Variants in TAF1 observed in about 807,000 individuals in gnomAD.
The protein encoded by TAF1 is transcription initiation factor TFIID subunit 1.
A neutral mutation model predicts 138.5 loss-of-function variants in TAF1; 2 were observed. That is an observed-to-expected ratio of 0.01 (90% CI 0.01 to 0.05). The LOEUF (loss-of-function observed/expected upper bound fraction) is 0.05. Ranked by LOEUF, TAF1 falls within the 10% of genes least tolerant of loss-of-function variation. The pLI, the probability that TAF1 is intolerant of heterozygous loss-of-function variation, is 1.00. For missense variants in TAF1, 709 were observed against 1,478.0 expected (o/e 0.48, Z 8.53); for synonymous variants, 437 against 503.2 (o/e 0.87, Z 1.76).
intron 13 of TAF1, among the ~76,000 whole-genome samples, chrX:71,496,827 C>T: frequency 1.8e-5 from 2 of 111,427 alleles, no homozygotes; most frequent in East Asian, 5.6e-4. Context: ...GTCTCTCCCC[C>T]CCAACCCTTT....
chrX:71,483,774 C>CTATATATA (rs1214664557), intron 13 of TAF1, among the ~76,000 whole-genome samples: 3 of 70,403 alleles, frequency 4.3e-5, no homozygotes, highest in Non-Finnish European at 7.8e-5. Flanking sequence ...CTCTCTCTCT[C>CTATATATA]TCTCTCTATA....
intron 13 of TAF1, among the ~76,000 whole-genome samples, chrX:71,512,646 C>T (rs1162238597): frequency 1.8e-5 from 2 of 110,883 alleles, no homozygotes; most frequent in Non-Finnish European, 3.8e-5. Flanking sequence ...GGTGAAACCC[C>T]GTCTGTACTA....
intron 28 of TAF1, among the ~76,000 whole-genome samples, chrX:71,408,402 C>T (rs952176974): frequency 4.5e-5 from 5 of 110,828 alleles, no homozygotes; most frequent in Non-Finnish European, 7.6e-5. Context: ...ACTGCAACCT[C>T]CGCCTCTCGG....
chrX:71,429,164 A>G (rs931861652), intron 32 of TAF1, among the ~76,000 whole-genome samples: 1 of 109,842 alleles, frequency 9.1e-6, no homozygotes. Context: ...AGTCCCAGCT[A>G]CTCGGGAGGC....
chrX:71,438,341 TATGTC>T (rs2037248247), intron 32 of TAF1, among the ~76,000 whole-genome samples: 1 of 111,882 alleles, frequency 8.9e-6, no homozygotes, highest in Non-Finnish European at 1.9e-5. Context: ...CTATTCTAGG[TATGTC>T]ATATAAGTAA....
intron 13 of TAF1, among the ~76,000 whole-genome samples, chrX:71,498,768 G>A (rs1470795238): frequency 4.5e-5 from 5 of 111,710 alleles, no homozygotes; most frequent in Non-Finnish European, 7.5e-5. Flanking sequence ...TAATAAGGGT[G>A]TGGGACTTTC....
At chrX:71,499,295 G>A (rs754852646) in intron 13 of TAF1, among the ~76,000 whole-genome samples, 3 of 111,713 alleles carry the variant, frequency 2.7e-5, no homozygotes, top group Non-Finnish European at 3.8e-5. Context: ...GCCTTTCTCC[G>A]ATCTTGCTTT....
intron 14 of TAF1, among the ~76,000 whole-genome samples, chrX:71,385,736 A>C (rs2034176683): frequency 9.0e-6 from 1 of 111,434 alleles, no homozygotes; most frequent in Non-Finnish European, 1.9e-5. Flanking sequence ...TATCCTTTAC[A>C]TTCATAGTCT....
chrX:71,430,872 T>A (rs750076153), intron 32 of TAF1, among the ~76,000 whole-genome samples: 3 of 110,890 alleles, frequency 2.7e-5, no homozygotes, highest in Non-Finnish European at 5.7e-5. Context: ...TTGACTAATA[T>A]GGGAAATACA....
chrX:71,519,824 G>A (rs2039896945), intron 13 of TAF1, among the ~76,000 whole-genome samples: 1 of 110,054 alleles, frequency 9.1e-6, no homozygotes. Context: ...GTTTGTTTTT[G>A]AGCCAGAGTC....
intron 25 of TAF1, among the ~76,000 whole-genome samples, chrX:71,402,844 A>T (rs2035251088): frequency 9.0e-6 from 1 of 111,145 alleles, no homozygotes; most frequent in Non-Finnish European, 1.9e-5. Context: ...TTCACTCCTA[A>T]GAAAGTTAAC....
intron 25 of TAF1, among the ~76,000 whole-genome samples, chrX:71,403,965 G>A (rs1418863642): frequency 2.9e-5 from 3 of 104,672 alleles, no homozygotes; most frequent in African/African-American, 1.1e-4. Flanking sequence ...TTGCTTTCTG[G>A]CACAAGATGT....
chrX:71,463,744 C>G (rs1182749400), intron 37 of TAF1, 80 bp from the exon 38 acceptor site: 1 of 973,556 alleles, frequency 1.0e-6, no homozygotes, highest in Non-Finnish European at 1.4e-6. Flanking sequence ...ATGGGCTGAT[C>G]CTTTGGTGGC....
chrX:71,380,302 C>A (rs1166828055), intron 8 of TAF1, among the ~76,000 whole-genome samples: 8 of 111,849 alleles, frequency 7.2e-5, no homozygotes, highest in Non-Finnish European at 1.5e-4. Context: ...GATCTTCCTG[C>A]CTCGGTCTCC....
At chrX:71,391,658 T>A (rs2034573040) in intron 18 of TAF1, among the ~76,000 whole-genome samples, 1 of 99,889 alleles carries the variant, frequency 1.0e-5, no homozygotes, top group Admixed American at 1.1e-4. Flanking sequence ...AGACAGAGTC[T>A]CACTCTGTCT....
At chrX:71,500,678 T>C (rs2039487035) in intron 13 of TAF1, among the ~76,000 whole-genome samples, 1 of 110,427 alleles carries the variant, frequency 9.1e-6, no homozygotes, top group Non-Finnish European at 1.9e-5. Flanking sequence ...TCGGATTTAG[T>C]GGACCTTACC....
chrX:71,385,952 AG>A (rs1403553937), intron 14 of TAF1, among the ~76,000 whole-genome samples: 2 of 111,023 alleles, frequency 1.8e-5, no homozygotes, highest in Non-Finnish European at 3.8e-5. Flanking sequence ...ACCTGAGGTC[AG>A]GAGTTCGAGA....
chrX:71,423,038 G>A (rs2036433713), intron 29 of TAF1, 79 bp from the exon 30 acceptor site: 3 of 1,173,586 alleles, frequency 2.6e-6, no homozygotes, highest in Middle Eastern at 2.5e-4. Flanking sequence ...CACCACGCCC[G>A]GCAAATTGTC....
chrX:71,476,887 G>C (rs993350636), intron 13 of TAF1, among the ~76,000 whole-genome samples: 1 of 109,986 alleles, frequency 9.1e-6, no homozygotes, highest in Non-Finnish European at 1.9e-5. Context: ...CGTACATCAC[G>C]CAAAAATCAA....
Sources: allele counts gnomAD v4.1 joint callset (sites outside exome capture counted in the v4.1 genomes callset), GRCh38; gene constraint gnomAD v4.1.1; transcripts MANE v1.5; gene names NCBI Gene and HGNC (gene_info 2026-07-23, HGNC 2026-07-21).